The following EPB41L4B variants were observed in gnomAD, a reference collection of about 807,000 sequenced individuals.
The protein encoded by EPB41L4B is band 4.1-like protein 4B.
In EPB41L4B, 30 loss-of-function variants were observed where a neutral mutation model predicts 112.5. That is an observed-to-expected ratio of 0.27 (90% CI 0.20 to 0.36). The LOEUF is 0.36. Among genes scored for constraint, EPB41L4B ranks in the 10% least tolerant of loss-of-function variants. The pLI is 1.00. For synonymous variants in EPB41L4B, 408 were observed against 439.7 expected, an observed-to-expected ratio of 0.93 and a Z score of 0.90; for missense variants, 1,024 against 1,133.3, an observed-to-expected ratio of 0.90 and a Z score of 1.38.
At position 109,320,218 on chromosome 9, in the gene EPB41L4B, CG is replaced by C; in HGVS notation, c.228del (p.Ala77ProfsTer21). On this transcript the variant is annotated frameshift_variant, in exon 1 of 26. Coordinates refer to ENST00000374566, the MANE Select transcript of EPB41L4B (RefSeq NM_019114.5). LOFTEE classifies it high-confidence loss of function. ...AGGGTGGCCTTGGCGGCGCCGGCGG[CG>C]GAGATGTGCACGGCCGCGCCGCCGG... ...LLTGGAAVHI[S>X]AAGAAKATLY... 7.0e-7 allele frequency: 1 copy of C among 1,419,048 alleles called. No individual in the cohort carries two copies. The highest frequency in any genetic ancestry group is 9.2e-7 in the Non-Finnish European group (1 of 1,081,518). The allele number at this position is 1,419,048 out of a possible 1,614,324, so 87.9% of individuals were successfully genotyped here. A position where few individuals can be genotyped will look rare whatever the true frequency, so the allele number is the denominator to read the frequency against.
intron 22 of EPB41L4B, among the ~76,000 whole-genome samples, chr9:109,189,503 T>C (rs555419151): frequency 7.9e-4 from 121 of 152,350 alleles, no homozygotes; most frequent in African/African-American, 2.8e-3. Flanking sequence ...CTGTTCCAGA[T>C]TGAAACTTTT....
At position 109,213,836 on chromosome 9, in the gene EPB41L4B, G is replaced by T. The variant is rs368611887; in HGVS notation, c.1634-18C>A. 4.8e-5 allele frequency: 77 copies of T among 1,606,096 alleles called. No homozygotes were observed. The African/African-American group carries it at 9.5e-4, about 20-fold the overall frequency. On this transcript the variant is annotated intron_variant, in intron 16 of 25. Coordinates refer to ENST00000374566, the MANE Select transcript of EPB41L4B (RefSeq NM_019114.5). ...ACTCAGTTCTACAAAGCAGCCAGGA[G>T]AAATAAATAAGGAAAGGTTGAAAGG... is the stretch of plus-strand genomic sequence containing the variant.
intron 2 of EPB41L4B, among the ~76,000 whole-genome samples, chr9:109,272,183 ATGG>A (rs1348227770): frequency 2.0e-5 from 3 of 152,194 alleles, no homozygotes; most frequent in Non-Finnish European, 4.4e-5. Context: ...TGAGTCAGGC[ATGG>A]TGGCTCACAC....
intron 20 of EPB41L4B, among the ~76,000 whole-genome samples, chr9:109,198,543 C>T (rs1394836403): frequency 6.6e-6 from 1 of 152,190 alleles, no homozygotes; most frequent in Non-Finnish European, 1.5e-5. Flanking sequence ...GTCCAGAGAT[C>T]CCCCTGCAGT....
chr9:109,293,215 G>A (rs1282570797), intron 1 of EPB41L4B, among the ~76,000 whole-genome samples: 1 of 152,142 alleles, frequency 6.6e-6, no homozygotes, highest in Non-Finnish European at 1.5e-5. Context: ...TATATACACA[G>A]ATACAGTGTG....
At chr9:109,289,604 C>G (rs533900461) in intron 1 of EPB41L4B, among the ~76,000 whole-genome samples, 5 of 152,358 alleles carry the variant, frequency 3.3e-5, no homozygotes, top group Admixed American at 3.3e-4. Context: ...CTGGAATTCT[C>G]TGTAGCTGGC....
Position 109,320,281 on chromosome 9 carries a change from C to T in EPB41L4B, c.166G>A (p.Gly56Ser), listed in dbSNP as rs1197799907. The T allele has an allele frequency of 1.7e-6, 2 of 1,145,872 alleles. No homozygotes were observed. The highest frequency in any genetic ancestry group is 8.5e-5 in the East Asian group (2 of 23,646). The allele number at this position is 1,145,872 out of a possible 1,614,324, so 71.0% of individuals were successfully genotyped here. The change falls in exon 1 of 26, where the codon GGC becomes AGC. Residue 56 changes from glycine to serine, a missense_variant. Physicochemically the swap from Gly to Ser is moderately conservative, Grantham distance 56 (BLOSUM62 0). Transcript: ENST00000374566. ...SSSALPAAPG[G>S]SVFPAGGGPL... ...CCGCCGCCCGCCGGGAACACGCTGC[C>T]CCCGGGCGCGGCGGGCAGCGCCGAG...
At chr9:109,248,864 C>T (rs1305015678) in intron 13 of EPB41L4B, among the ~76,000 whole-genome samples, 1 of 151,630 alleles carries the variant, frequency 6.6e-6, no homozygotes, top group East Asian at 1.9e-4. Flanking sequence ...TCGAGACCAT[C>T]CTGGCTAATA....
At chr9:109,229,912 C>T (rs1833900008) in intron 15 of EPB41L4B, among the ~76,000 whole-genome samples, 1 of 152,090 alleles carries the variant, frequency 6.6e-6, no homozygotes. Flanking sequence ...GTCAGGAAGC[C>T]CTGCCACTAG....
chr9:109,236,031 C>T (rs1000057125), intron 15 of EPB41L4B, among the ~76,000 whole-genome samples: 9 of 152,336 alleles, frequency 5.9e-5, no homozygotes, highest in Non-Finnish European at 7.3e-5. Context: ...CAGACCACCA[C>T]ACTGTGGACC....
intron 1 of EPB41L4B, among the ~76,000 whole-genome samples, chr9:109,293,715 A>AC (rs1403389971): frequency 6.7e-6 from 1 of 150,290 alleles, no homozygotes; most frequent in East Asian, 1.9e-4. Flanking sequence ...AAAAAAAAAA[A>AC]AAAAACATAA....
intron 15 of EPB41L4B, among the ~76,000 whole-genome samples, chr9:109,226,920 C>T (rs1833802613): frequency 6.6e-6 from 1 of 151,490 alleles, no homozygotes; most frequent in Non-Finnish European, 1.5e-5. Context: ...TCACTTGCAG[C>T]CTTGAATTCC....
At chr9:109,224,948 G>T (rs373993860) in intron 15 of EPB41L4B, among the ~76,000 whole-genome samples, 1 of 152,150 alleles carries the variant, frequency 6.6e-6, no homozygotes, top group African/African-American at 2.4e-5. Flanking sequence ...CTCTCTGCTC[G>T]CTGCCTCAAG....
rs932572811 is a variant in EPB41L4B, at chr9:109,211,917, G to A, written c.1752+1783C>T. 1.4e-5 allele frequency among the ~76,000 whole-genome samples: 2 copies of A among 147,908 alleles called. 1 individual carries two copies. Among genetic ancestry groups the A allele is most frequent in the Non-Finnish European group, 3.0e-5 (2 of 66,764 alleles). On this transcript the variant is annotated intron_variant, in intron 17 of 25. Transcript: ENST00000374566. Reference sequence around the variant, plus strand: ...TTATAGTAGAGATGGGGGGGGTCTCGCCATGTTGCCCAGGCTGGTCTTGAA... The same window carrying A: ...TTATAGTAGAGATGGGGGGGGTCTCACCATGTTGCCCAGGCTGGTCTTGAA...
chr9:109,227,808 T>C (rs182918733), intron 15 of EPB41L4B, among the ~76,000 whole-genome samples: 124 of 152,216 alleles, frequency 8.1e-4, no homozygotes, highest in Non-Finnish European at 1.3e-3. Flanking sequence ...TCTCGATCTC[T>C]TGACCTCGTG....
At chr9:109,305,831 G>GC (rs2119239673) in intron 1 of EPB41L4B, among the ~76,000 whole-genome samples, 1 of 152,320 alleles carries the variant, frequency 6.6e-6, no homozygotes, top group Non-Finnish European at 1.5e-5. Context: ...GGCTGAGGCA[G>GC]CAGAATCGCT....
At chr9:109,207,843 T>C in intron 18 of EPB41L4B, 81 bp downstream of exon 18, 1 of 1,570,420 alleles carries the variant, frequency 6.4e-7, no homozygotes, top group East Asian at 2.2e-5. Context: ...AGCATCTCAG[T>C]CCTACGGTGC....
chr9:109,228,092 T>C (rs752830189), intron 15 of EPB41L4B, among the ~76,000 whole-genome samples: 14 of 152,236 alleles, frequency 9.2e-5, no homozygotes, highest in East Asian at 1.9e-4. Context: ...CAGAATAATA[T>C]TGAATATCAG....
In EPB41L4B at chr9:109,255,524, G is replaced by A. The variant is rs746270390; in HGVS notation, c.1156C>T (p.Arg386Cys). 3.1e-6 allele frequency: 5 copies of A among 1,613,988 alleles called. No individual in the cohort carries two copies. In the African/African-American group the frequency reaches 5.3e-5, roughly 17 times the overall value. ...NRSDFIRLGS[R>C]FRFSGRTEYQ... ...ATGGCTCCCTACCTGAATCTGAAGCGAGAGCCCAGCCTGATAAAGTCGGAT... is the reference window on the plus strand; with the variant it reads ...ATGGCTCCCTACCTGAATCTGAAGCAAGAGCCCAGCCTGATAAAGTCGGAT... Residue 386 changes from arginine (R) to cysteine (C), a missense_variant, in exon 11 of 26, where the codon CGC becomes TGC. Arg to Cys is a radical substitution (Grantham distance 180). Coordinates refer to ENST00000374566, the MANE Select transcript of EPB41L4B (RefSeq NM_019114.5).
Sources: gnomAD v4.1 joint callset for allele counts (sites outside exome capture counted in the v4.1 genomes callset) on GRCh38, gnomAD v4.1.1 for gene constraint, MANE v1.5 for transcripts, NCBI Gene and HGNC (gene_info 2026-07-23, HGNC 2026-07-21) for gene names.